The following SBF1 variants were observed in gnomAD, a reference collection of about 807,000 sequenced individuals.
SBF1 encodes the protein SET binding factor 1.
A neutral mutation model predicts 215.8 loss-of-function variants in SBF1; 65 were observed. The observed-to-expected ratio is 0.30, with a 90% CI of 0.25 to 0.37. The LOEUF (loss-of-function observed/expected upper bound fraction) is 0.37. Among genes scored for constraint, SBF1 ranks in the 10% least tolerant of loss-of-function variants. The pLI, the probability that SBF1 is intolerant of heterozygous loss-of-function variation, is 1.00. For missense variants in SBF1, 2,634 were observed against 2,667.8 expected, an observed-to-expected ratio of 0.99 and a Z score of 0.28; for synonymous variants, 1,410 against 1,122.8, an observed-to-expected ratio of 1.26 and a Z score of -5.11.
chr22:50,456,514 A>T lies in SBF1; in HGVS notation c.4064T>A (p.Leu1355His). Residue 1355 changes from leucine (L) to histidine (H), a missense_variant, in exon 30 of 41, where the codon CTT becomes CAT. Physicochemically the swap from Leu to His is moderately conservative, Grantham distance 99. Transcript: ENST00000380817. ...LRPQRAALYI[L>H]GDKAQLKGVR... ...CACCTTGAGCTGGGCTTTGTCCCCAAGGATATAGAGGGCTGCTCGCTGCGG... is the reference window on the plus strand; with the variant it reads ...CACCTTGAGCTGGGCTTTGTCCCCATGGATATAGAGGGCTGCTCGCTGCGG... The T allele has an allele frequency of 1.4e-6, 2 of 1,404,430 alleles. No homozygotes were observed. Among genetic ancestry groups the T allele is most frequent in the Non-Finnish European group, 1.9e-6 (2 of 1,054,544 alleles). 87.0% of individuals were successfully genotyped at this position (1,404,430 alleles called of 1,614,324 possible).
chr22:50,446,463 A>C lies in SBF1; in HGVS notation c.*679T>G, dbSNP rs139400090. On this transcript the variant is annotated 3_prime_UTR_variant, in exon 41 of 41. Transcript: ENST00000380817. The stretch of plus-strand genomic sequence containing the variant: ...GGACCTGCAACAGCCTTCTGGGGTC[A>C]AATGACCACCCACCCTTTCACCCCC... 31 of 187,116 alleles carry C rather than the reference A, an allele frequency of 1.7e-4. No homozygotes were observed. Among genetic ancestry groups the C allele is most frequent in the African/African-American group, 7.1e-4 (30 of 42,132 alleles). The allele number at this position is 187,116 out of a possible 1,614,324, so 11.6% of individuals were successfully genotyped here.
rs1285086074 is a variant in SBF1, at chr22:50,461,165, T to C, written c.2961A>G (p.Thr987=). ...CCCGCGCACCGCGCCCCACCTGGAA[T>C]GTGCAGGAGCGCAGCTGGAGCCCGT... ...LQDGLQLRSC[T]FQLLKMAFDE... Residue 987 remains threonine, a synonymous_variant, in exon 23 of 41, where the codon ACA becomes ACG. Transcript: ENST00000380817. 3.8e-6 allele frequency: 6 copies of C among 1,597,246 alleles called. No homozygotes were observed. Among genetic ancestry groups the C allele is most frequent in the African/African-American group, 2.7e-5 (2 of 74,400 alleles).
chr22:50,474,560 C>A (rs2148621558), intron 1 of SBF1, among the ~76,000 whole-genome samples: 1 of 151,966 alleles, frequency 6.6e-6, no homozygotes, highest in East Asian at 1.9e-4. Flanking sequence ...TCAGTCCCCG[C>A]CCGGCCCCCG....
chr22:50,447,834 G>A (rs1180327394), intron 38 of SBF1, among the ~76,000 whole-genome samples: 1 of 152,240 alleles, frequency 6.6e-6, no homozygotes, highest in African/African-American at 2.4e-5. Context: ...ACAGTGAAGG[G>A]CGCCTCACAC....
chr22:50,466,931 G>C, intron 5 of SBF1: 1 of 564,908 alleles, frequency 1.8e-6, no homozygotes, highest in Non-Finnish European at 3.1e-6. Context: ...TTTGACTTGG[G>C]GGTAGGGATG....
At position 50,457,092 on chromosome 22, in the gene SBF1, C is replaced by T; in HGVS notation, c.3846G>A (p.Arg1282=). Residue 1282 remains arginine, a synonymous_variant, in exon 29 of 41, where the codon AGG becomes AGA. Coordinates refer to ENST00000380817, the MANE Select transcript of SBF1 (RefSeq NM_002972.4). ...MGSHVPSPRA[R]VTTLSNPMAA... ...CCATGGGGTTGGACAGCGTGGTGAC[C>T]CTGGCTCTGGGGCTGGGAACTGAGG... 6.7e-7 allele frequency: 1 copy of T among 1,489,574 alleles called. No individual in the cohort carries two copies. 92.3% of individuals were successfully genotyped at this position (1,489,574 alleles called of 1,614,324 possible). A position where few individuals can be genotyped will look rare whatever the true frequency, so the allele number is the denominator to read the frequency against.
Position 50,467,592 on chromosome 22 carries a change from C to G in SBF1, c.378G>C (p.Gln126His), listed in dbSNP as rs1439029609. The G allele has an allele frequency of 4.3e-6, 7 of 1,614,000 alleles. No individual in the cohort carries two copies. Among genetic ancestry groups the G allele is most frequent in the Non-Finnish European group, 2.5e-6 (3 of 1,180,004 alleles). ...LSPTAPAPSAQLFAPKTLVLV... is the reference protein window; with the variant it reads ...LSPTAPAPSAHLFAPKTLVLV... ...GTACCAGCGTCTTCGGTGCAAACAGCTGGGCAGATGGGGCAGGTGCTGTGG... is the reference window on the plus strand; with the variant it reads ...GTACCAGCGTCTTCGGTGCAAACAGGTGGGCAGATGGGGCAGGTGCTGTGG... Residue 126 changes from glutamine (Q) to histidine (H), a missense_variant, in exon 4 of 41, where the codon CAG becomes CAC. Coordinates refer to ENST00000380817, the MANE Select transcript of SBF1 (RefSeq NM_002972.4).
intron 10 of SBF1, 28 bp from the exon 11 acceptor site, chr22:50,465,356 A>G: frequency 6.5e-7 from 1 of 1,540,426 alleles, no homozygotes; most frequent in East Asian, 2.4e-5. Context: ...TGCAGGTGAG[A>G]GCCAGTCCTG....
At chr22:50,450,018 G>A (rs968098062) in intron 36 of SBF1, among the ~76,000 whole-genome samples, 12 of 152,224 alleles carry the variant, frequency 7.9e-5, no homozygotes, top group South Asian at 2.1e-4. Flanking sequence ...AGCAACACAC[G>A]GGAGCTTGCT....
intron 2 of SBF1, 46 bp from the exon 3 acceptor site, chr22:50,467,969 C>G (rs2067846750): frequency 6.2e-7 from 1 of 1,602,538 alleles, no homozygotes; most frequent in Non-Finnish European, 8.5e-7. Flanking sequence ...ACACCTGTGG[C>G]AGGAACCAGC....
Position 50,455,071 on chromosome 22 carries a change from C to T in SBF1, c.4626G>A (p.Val1542=). 1 of 1,614,120 alleles carries T rather than the reference C, an allele frequency of 6.2e-7. No individual in the cohort carries two copies. The highest frequency in any genetic ancestry group is 8.5e-7 in the Non-Finnish European group (1 of 1,180,034). ...GCAGGAAGGTCCGGAAACGGCGGGA[C>T]ACATGGTGGTAGCCGAGGAACTTGA... The part of the protein sequence containing the change: ...FYLKFLGYHH[V]SRRFRTFLLD... Residue 1542 remains valine, a synonymous_variant, in exon 34 of 41, where the codon GTG becomes GTA. Transcript: ENST00000380817.
chr22:50,453,749 T>C (rs570328997), intron 36 of SBF1, among the ~76,000 whole-genome samples: 1 of 151,922 alleles, frequency 6.6e-6, no homozygotes, highest in South Asian at 2.1e-4. Context: ...ATCGCGCCAC[T>C]ACACTCCAGC....
chr22:50,462,577 C>T lies in SBF1; in HGVS notation c.2109G>A (p.Glu703=), dbSNP rs1044636309. The change falls in exon 18 of 41, where the codon GAG becomes GAA. Residue 703 remains glutamate, a synonymous_variant. Coordinates refer to ENST00000380817, the MANE Select transcript of SBF1 (RefSeq NM_002972.4). The part of the protein sequence containing the change: ...HIRALYLEPT[E]DLAPAQEVGE... ...TGCGCACCTGGGCGGGGGCCAGGTC[C>T]TCCGTGGGCTCCAGGTAGAGGGCCC... The T allele has an allele frequency of 9.9e-6, 16 of 1,611,896 alleles. No homozygotes were observed. Among genetic ancestry groups the T allele is most frequent in the Non-Finnish European group, 1.4e-5 (16 of 1,179,604 alleles).
In SBF1 at chr22:50,467,797, C is replaced by T; in HGVS notation, c.268G>A (p.Glu90Lys). 6.2e-7 allele frequency: 1 copy of T among 1,613,924 alleles called. No individual in the cohort carries two copies. The highest frequency in any genetic ancestry group is 8.5e-7 in the Non-Finnish European group (1 of 1,179,966). The stretch of plus-strand genomic sequence containing the variant: ...GGCCCCAAGCTGACCTGTGAAGGCT[C>T]CGCTGGCTCCCAGAAGGTCAAGCAG... The part of the protein sequence containing the change: ...CACLTFWEPA[E>K]PSQETTRVED... The change falls in exon 3 of 41, where the codon GAG becomes AAG. Residue 90 changes from glutamate to lysine, a missense_variant. By Grantham distance (56) the Glu-to-Lys change is moderately conservative. Transcript: ENST00000380817.
rs907908273 is a variant in SBF1, at chr22:50,462,425, C to T, written c.2176G>A (p.Val726Met). 4 of 1,614,046 alleles carry T rather than the reference C, an allele frequency of 2.5e-6. No homozygotes were observed. Among genetic ancestry groups the T allele is most frequent in the South Asian group, 1.1e-5 (1 of 91,090 alleles). Residue 726 changes from valine to methionine, a missense_variant, in exon 19 of 41, where the codon GTG (valine) becomes ATG (methionine). By Grantham distance (21) the Val-to-Met change is conservative. Coordinates refer to ENST00000380817, the MANE Select transcript of SBF1 (RefSeq NM_002972.4). ...SQEDERSALDVASEQRRLWPT... is the reference protein window; with the variant it reads ...SQEDERSALDMASEQRRLWPT... ...CACAAGCGCCGCTGCTCAGAAGCCA[C>T]GTCTAGGGCAGAGCGCTCGTCCTCC...
chr22:50,450,038 A>C (rs1320880177), intron 36 of SBF1, among the ~76,000 whole-genome samples: 2 of 152,222 alleles, frequency 1.3e-5, no homozygotes, highest in Non-Finnish European at 1.5e-5. Flanking sequence ...TGAGCCGAGG[A>C]GGCAGAGACG....
chr22:50,448,491 C>T, intron 37 of SBF1, 47 bp from the exon 38 acceptor site: 1 of 1,608,540 alleles, frequency 6.2e-7, no homozygotes, highest in Non-Finnish European at 8.5e-7. Context: ...ACAGACTCCA[C>T]TTTCTCCCAG....
In SBF1 at chr22:50,462,159, C is replaced by T. The variant is rs147443639; in HGVS notation, c.2397-40G>A. 68 of 1,608,200 alleles carry T rather than the reference C, an allele frequency of 4.2e-5. 1 individual carries two copies. Among genetic ancestry groups the T allele is most frequent in the South Asian group, 1.1e-4 (10 of 91,076 alleles). ...AAACTGTGGGCATGGGCCCTGCCCA[C>T]CACGGCCCCGCCTCCACTGGGCCCA... On this transcript the variant is annotated intron_variant, in intron 19 of 40. Coordinates refer to ENST00000380817, the MANE Select transcript of SBF1 (RefSeq NM_002972.4).
Position 50,460,164 on chromosome 22 carries a change from A to G in SBF1, c.3284-5T>C, listed in dbSNP as rs2148584881. The G allele has an allele frequency of 6.2e-7, 1 of 1,610,652 alleles. No individual in the cohort carries two copies. Among genetic ancestry groups the G allele is most frequent in the Non-Finnish European group, 8.5e-7 (1 of 1,179,894 alleles). ...TGGGCTCCAGCTCCTCCGACACTGC[A>G]CAGGCCGGGCACACGTGGTCATCAC... On this transcript the variant is annotated splice_polypyrimidine_tract_variant and splice_region_variant and intron_variant, in intron 25 of 40. Transcript: ENST00000380817.
Sources: allele counts gnomAD v4.1 joint callset (sites outside exome capture counted in the v4.1 genomes callset), GRCh38; gene constraint gnomAD v4.1.1; transcripts MANE v1.5; gene names NCBI Gene and HGNC (gene_info 2026-07-23, HGNC 2026-07-21).